The following CDK14 variants were observed in gnomAD, a reference collection of about 807,000 sequenced individuals.
CDK14 encodes cyclin dependent kinase 14.
Under a neutral mutation model 60.7 loss-of-function variants are expected in CDK14, and 34 were observed. The observed-to-expected ratio is 0.56, with a 90% CI of 0.43 to 0.75. The LOEUF (loss-of-function observed/expected upper bound fraction) is 0.75, where lower values mean the gene tolerates loss of function less well. Ranked by LOEUF, CDK14 falls within the 30% of genes least tolerant of loss-of-function variation. The pLI, the probability that CDK14 is intolerant of heterozygous loss-of-function variation, is 0.00. For missense variants in CDK14, 482 were observed against 564.1 expected, an observed-to-expected ratio of 0.85 and a Z score of 1.47; for synonymous variants, 197 against 203.7, an observed-to-expected ratio of 0.97 and a Z score of 0.28.
intron 14 of CDK14, among the ~76,000 whole-genome samples, chr7:91,137,712 G>GTA (rs1800328489): frequency 1.4e-5 from 2 of 141,806 alleles, no homozygotes; most frequent in Non-Finnish European, 3.1e-5. Context: ...GTGTGTGTGT[G>GTA]TGTATGTGTG....
chr7:91,007,389 C>G (rs1796009141), intron 10 of CDK14, among the ~76,000 whole-genome samples: 2 of 152,232 alleles, frequency 1.3e-5, no homozygotes. Flanking sequence ...CTTACCAAAG[C>G]ATACACTGTG....
At chr7:90,679,064 C>G (rs1801261269) in intron 2 of CDK14, among the ~76,000 whole-genome samples, 1 of 152,154 alleles carries the variant, frequency 6.6e-6, no homozygotes, top group Admixed American at 6.5e-5. Context: ...ATCCTCCCAC[C>G]TCAGCCCCCC....
chr7:91,164,347 G>C (rs1466798015), intron 14 of CDK14, among the ~76,000 whole-genome samples: 1 of 152,150 alleles, frequency 6.6e-6, no homozygotes, highest in Non-Finnish European at 1.5e-5. Context: ...CCCTATTAAA[G>C]TCCTGTACGT....
chr7:90,603,995 T>C (rs1799369099), intron 1 of CDK14, among the ~76,000 whole-genome samples: 1 of 152,260 alleles, frequency 6.6e-6, no homozygotes, highest in African/African-American at 2.4e-5. Flanking sequence ...AGGATAGTTC[T>C]ATTTGCATAT....
intron 2 of CDK14, among the ~76,000 whole-genome samples, chr7:90,723,872 C>A (rs941394827): frequency 1.3e-5 from 2 of 152,188 alleles, no homozygotes; most frequent in Non-Finnish European, 2.9e-5. Flanking sequence ...CATCTGTGTT[C>A]ATGAGAGAGA....
chr7:90,876,289 A>T (rs767869), intron 6 of CDK14, among the ~76,000 whole-genome samples: 133,570 of 152,226 alleles, frequency 0.88, 58,801 homozygotes, highest in East Asian at 0.96. Context: ...CTGAGTGGGG[A>T]TCAGACCCCT....
chr7:90,876,025 T>C (rs1230752590), intron 6 of CDK14, among the ~76,000 whole-genome samples: 1 of 152,198 alleles, frequency 6.6e-6, no homozygotes, highest in Non-Finnish European at 1.5e-5. Context: ...ACCAAGTTGT[T>C]ATTTTTTTCT....
At chr7:90,838,737 T>C (rs1412247043) in intron 5 of CDK14, among the ~76,000 whole-genome samples, 1 of 152,192 alleles carries the variant, frequency 6.6e-6, no homozygotes, top group Non-Finnish European at 1.5e-5. Context: ...AATTCCAGCC[T>C]GGTAGATTCT....
At chr7:90,731,816 T>C (rs1397535317) in intron 3 of CDK14, among the ~76,000 whole-genome samples, 1 of 152,212 alleles carries the variant, frequency 6.6e-6, no homozygotes, top group African/African-American at 2.4e-5. Flanking sequence ...GTTTTCCTAA[T>C]TGAATACACT....
At chr7:90,792,478 G>C (rs1340559753) in intron 5 of CDK14, among the ~76,000 whole-genome samples, 1 of 152,160 alleles carries the variant, frequency 6.6e-6, no homozygotes, top group African/African-American at 2.4e-5. Flanking sequence ...AGTCATCTCA[G>C]ACTTAACACA....
At chr7:91,125,207 G>T (rs1262211028) in intron 14 of CDK14, among the ~76,000 whole-genome samples, 1 of 152,142 alleles carries the variant, frequency 6.6e-6, no homozygotes, top group Admixed American at 6.6e-5. Flanking sequence ...TCACATGGGA[G>T]CTTTGTCTGG....
At chr7:90,682,974 G>C (rs1194416190) in intron 2 of CDK14, among the ~76,000 whole-genome samples, 1 of 152,140 alleles carries the variant, frequency 6.6e-6, no homozygotes, top group Non-Finnish European at 1.5e-5. Flanking sequence ...TCTCAGTTTT[G>C]ATGCTAATTT....
At chr7:90,624,448 T>C (rs1425650811) in intron 2 of CDK14, among the ~76,000 whole-genome samples, 1 of 152,228 alleles carries the variant, frequency 6.6e-6, no homozygotes, top group Non-Finnish European at 1.5e-5. Context: ...TCTAGATTTA[T>C]GGACCTGAAT....
chr7:90,880,240 C>T (rs1017049372), intron 6 of CDK14, among the ~76,000 whole-genome samples: 2 of 152,242 alleles, frequency 1.3e-5, no homozygotes, highest in African/African-American at 2.4e-5. Context: ...CTCCAGGCTT[C>T]CTCTGCTAGA....
At chr7:91,030,931 G>T (rs1315987501) in intron 10 of CDK14, among the ~76,000 whole-genome samples, 1 of 152,196 alleles carries the variant, frequency 6.6e-6, no homozygotes, top group East Asian at 1.9e-4. Flanking sequence ...AAGAAAACAG[G>T]AGCCTTGTCC....
At chr7:91,087,981 A>G (rs1207813210) in intron 12 of CDK14, among the ~76,000 whole-genome samples, 1 of 152,204 alleles carries the variant, frequency 6.6e-6, no homozygotes, top group Non-Finnish European at 1.5e-5. Context: ...AATTAGATTG[A>G]AAGAAACCCA....
intron 10 of CDK14, among the ~76,000 whole-genome samples, chr7:91,032,130 C>T (rs984818772): frequency 6.6e-6 from 1 of 152,100 alleles, no homozygotes; most frequent in Non-Finnish European, 1.5e-5. Flanking sequence ...TAGGCAGGGT[C>T]CCCTCTTAGC....
At chr7:91,073,490 CTCCTGA>C (rs1447521442) in intron 11 of CDK14, among the ~76,000 whole-genome samples, 1 of 152,084 alleles carries the variant, frequency 6.6e-6, no homozygotes, top group Non-Finnish European at 1.5e-5. Flanking sequence ...CTTGCAAGAG[CTCCTGA>C]AGGAAGCACT....
chr7:91,057,594 G>A (rs1797621926), intron 11 of CDK14, among the ~76,000 whole-genome samples: 1 of 152,192 alleles, frequency 6.6e-6, no homozygotes, highest in Non-Finnish European at 1.5e-5. Flanking sequence ...AAGGTATAAG[G>A]AAGGGATCCA....
Sources: gnomAD v4.1 joint callset for allele counts (sites outside exome capture counted in the v4.1 genomes callset) on GRCh38, gnomAD v4.1.1 for gene constraint, MANE v1.5 for transcripts, NCBI Gene and HGNC (gene_info 2026-07-23, HGNC 2026-07-21) for gene names.